Variants in IFTAP observed in about 807,000 individuals in gnomAD.
IFTAP encodes intraflagellar transport associated protein.
IFTAP carries 19 observed loss-of-function variants against 19.4 expected under a neutral mutation model. That is an observed-to-expected ratio of 0.98 (90% CI 0.68 to 1.44). The LOEUF is 1.44. Among genes scored for constraint, IFTAP ranks in the 40% most tolerant of loss-of-function variants. The probability of loss-of-function intolerance (pLI) is 0.00; values close to 1 mark genes in which losing one functional copy is unlikely to be tolerated. For synonymous variants in IFTAP, 85 were observed against 83.5 expected (o/e 1.02, Z -0.10); for missense variants, 240 against 253.6 (o/e 0.95, Z 0.36).
At chr11:36,658,551 C>A (rs1488942842) in intron 5 of IFTAP, among the ~76,000 whole-genome samples, 1 of 152,078 alleles carries the variant, frequency 6.6e-6, no homozygotes, top group Admixed American at 6.6e-5. Context: ...GAAGTATATT[C>A]AATGTAGGGT....
intron 2 of IFTAP, among the ~76,000 whole-genome samples, chr11:36,623,628 T>C (rs1372781881): frequency 6.6e-6 from 1 of 152,184 alleles, no homozygotes; most frequent in African/African-American, 2.4e-5. Flanking sequence ...AGCTACTCCA[T>C]CACAGGGAAA....
chr11:36,657,053 C>T (rs1854022550), intron 5 of IFTAP, among the ~76,000 whole-genome samples: 1 of 152,044 alleles, frequency 6.6e-6, no homozygotes, highest in African/African-American at 2.4e-5. Context: ...GTATAGGCAG[C>T]TTGAAGCTTA....
At chr11:36,599,218 T>C (rs934119823) in intron 1 of IFTAP, among the ~76,000 whole-genome samples, 7 of 152,194 alleles carry the variant, frequency 4.6e-5, no homozygotes, top group African/African-American at 1.7e-4. Flanking sequence ...GGTCTCAAAC[T>C]CCTGACCTTG....
chr11:36,598,553 C>T (rs998162050), intron 1 of IFTAP, among the ~76,000 whole-genome samples: 7 of 152,114 alleles, frequency 4.6e-5, no homozygotes, highest in Non-Finnish European at 1.0e-4. Flanking sequence ...AAGCAGAGAC[C>T]ACTAATACCA....
At chr11:36,616,119 G>A (rs1413798300) in intron 2 of IFTAP, among the ~76,000 whole-genome samples, 1 of 151,846 alleles carries the variant, frequency 6.6e-6, no homozygotes. Context: ...GTAACTGTCG[G>A]GAGTTACAGT....
chr11:36,608,877 G>T (rs1445931887), intron 1 of IFTAP, among the ~76,000 whole-genome samples: 1 of 152,144 alleles, frequency 6.6e-6, no homozygotes, highest in Non-Finnish European at 1.5e-5. Context: ...ATAGGGCACG[G>T]GTGAAATAAT....
intron 1 of IFTAP, among the ~76,000 whole-genome samples, chr11:36,602,002 T>TTA (rs1324929507): frequency 1.3e-5 from 2 of 152,112 alleles, no homozygotes; most frequent in Non-Finnish European, 2.9e-5. Context: ...CAAAAAGAAA[T>TTA]TATATATATA....
chr11:36,633,808 A>G (rs1478527834), intron 3 of IFTAP, among the ~76,000 whole-genome samples: 2 of 152,112 alleles, frequency 1.3e-5, no homozygotes, highest in African/African-American at 4.8e-5. Context: ...CATCTCTTTC[A>G]AACTCAAGAT....
At chr11:36,623,058 A>G (rs1442079877) in intron 2 of IFTAP, among the ~76,000 whole-genome samples, 2 of 152,074 alleles carry the variant, frequency 1.3e-5, no homozygotes, top group Non-Finnish European at 2.9e-5. Context: ...CTTTTTAATT[A>G]TCATTGTTAG....
chr11:36,633,359 A>G lies in IFTAP; in HGVS notation c.212A>G (p.His71Arg). The G allele has an allele frequency of 6.2e-7, 1 of 1,604,510 alleles. No individual in the cohort carries two copies. The highest frequency in any genetic ancestry group is 8.5e-7 in the Non-Finnish European group (1 of 1,175,708). The change falls in exon 3 of 6, where the codon CAT becomes CGT. Residue 71 changes from histidine to arginine, a missense_variant. His to Arg is a conservative substitution (Grantham distance 29). Coordinates refer to ENST00000334307, the MANE Select transcript of IFTAP (RefSeq NM_138787.4). ...ATTTTTACCTCAGCAAAAGTTACTC[A>G]TAAAAATGAAGCAGATGACTACCAT... ...ENIFTSAKVTHKNEADDYHLR... is the reference protein window; with the variant it reads ...ENIFTSAKVTRKNEADDYHLR...
rs565928515 is a variant in IFTAP, at chr11:36,613,090, T to C, written c.136+2851T>C. 2.0e-5 allele frequency among the ~76,000 whole-genome samples: 3 copies of C among 152,240 alleles called. No individual in the cohort carries two copies. The East Asian group carries it at 5.8e-4, about 29-fold the overall frequency. The stretch of plus-strand genomic sequence containing the variant: ...TAAACGGCCAATTATAAGTGAATTC[T>C]CAATAGCACCTTCAGTTCAGGAGGG... On this transcript the variant is annotated intron_variant, in intron 2 of 5. Coordinates refer to ENST00000334307, the MANE Select transcript of IFTAP (RefSeq NM_138787.4).
At chr11:36,607,739 T>A (rs1179950982) in intron 1 of IFTAP, among the ~76,000 whole-genome samples, 3 of 152,186 alleles carry the variant, frequency 2.0e-5, no homozygotes, top group Non-Finnish European at 1.5e-5. Context: ...AATGGTGTGA[T>A]CTGGGCTCAT....
intron 1 of IFTAP, among the ~76,000 whole-genome samples, chr11:36,607,603 T>C (rs1402328883): frequency 2.0e-5 from 3 of 152,146 alleles, no homozygotes; most frequent in Non-Finnish European, 4.4e-5. Context: ...ATTTTTTTTT[T>C]TCCTGAGCTT....
At chr11:36,614,839 A>G (rs201979850) in intron 2 of IFTAP, among the ~76,000 whole-genome samples, 3,794 of 132,646 alleles carry the variant, frequency 0.029, 86 homozygotes, top group African/African-American at 0.042. Context: ...AGATGAGTAG[A>G]TTGCAAAAAT....
chr11:36,602,018 ATG>A (rs1851527555), intron 1 of IFTAP, among the ~76,000 whole-genome samples: 2 of 152,172 alleles, frequency 1.3e-5, no homozygotes, highest in African/African-American at 2.4e-5. Flanking sequence ...ATATATGTGC[ATG>A]TGTGTGTTAT....
At chr11:36,643,072 C>T (rs1447561998) in intron 4 of IFTAP, among the ~76,000 whole-genome samples, 2 of 152,196 alleles carry the variant, frequency 1.3e-5, no homozygotes, top group African/African-American at 2.4e-5. Flanking sequence ...CAAATTGTCC[C>T]TGTTTGCAGA....
In IFTAP at chr11:36,610,196, A is replaced by T; in HGVS notation, c.93A>T (p.Thr31=). 1 of 1,610,754 alleles carries T rather than the reference A, an allele frequency of 6.2e-7. No homozygotes were observed. Among genetic ancestry groups the T allele is most frequent in the Non-Finnish European group, 8.5e-7 (1 of 1,177,188 alleles). ...LDKFLNCHEQ[T]YDEEFLNTFT... is the part of the protein sequence containing the mutation. ...AATTCCTTAATTGTCATGAGCAAAC[A>T]TATGATGAAGAATTTCTGAACACTT... Residue 31 remains threonine, a synonymous_variant, in exon 2 of 6, where the codon ACA becomes ACT. Transcript: ENST00000334307.
intron 2 of IFTAP, among the ~76,000 whole-genome samples, chr11:36,623,069 A>G (rs1852368302): frequency 6.6e-6 from 1 of 152,090 alleles, no homozygotes; most frequent in Non-Finnish European, 1.5e-5. Flanking sequence ...TCATTGTTAG[A>G]TTTTACTTCA....
At chr11:36,648,540 A>C (rs944834986) in intron 5 of IFTAP, among the ~76,000 whole-genome samples, 1 of 152,156 alleles carries the variant, frequency 6.6e-6, no homozygotes, top group Non-Finnish European at 1.5e-5. Flanking sequence ...GCTATAACAG[A>C]GAATCCTAAT....
Sources: allele counts gnomAD v4.1 joint callset (sites outside exome capture counted in the v4.1 genomes callset), GRCh38; gene constraint gnomAD v4.1.1; transcripts MANE v1.5; gene names NCBI Gene and HGNC (gene_info 2026-07-23, HGNC 2026-07-21).